Variants in EVC observed in about 807,000 individuals in gnomAD.
The protein encoded by EVC is EvC ciliary complex subunit 1, also known as evC complex member EVC.
Under a neutral mutation model 118.9 loss-of-function variants are expected in EVC, and 116 were observed. That is an observed-to-expected ratio of 0.98 (90% confidence interval 0.84 to 1.14). The LOEUF (loss-of-function observed/expected upper bound fraction) is 1.14, where lower values mean the gene tolerates loss of function less well. EVC is among the 50% of genes most tolerant of loss of function. EVC has a pLI of 0.00. For missense variants in EVC, 1,401 were observed against 1,246.4 expected (o/e 1.12, Z -1.87); for synonymous variants, 619 against 534.7 (o/e 1.16, Z -2.18).
chr4:5,767,319 C>T (rs563356786), intron 11 of EVC, among the ~76,000 whole-genome samples: 35 of 141,078 alleles, frequency 2.5e-4, no homozygotes, highest in African/African-American at 7.8e-4. Flanking sequence ...CAGACAGGGA[C>T]ATTTAAGTCT....
chr4:5,714,371 A>G (rs983344619), intron 1 of EVC, among the ~76,000 whole-genome samples: 13 of 152,250 alleles, frequency 8.5e-5, no homozygotes, highest in Non-Finnish European at 1.5e-5. Context: ...GTATTAGTTC[A>G]AAAGGAGCAA....
chr4:5,824,184 TG>T, the EVC span: 1 of 411,712 alleles, frequency 2.4e-6, no homozygotes, highest in Non-Finnish European at 3.3e-6. Context: ...TCCAGAACAG[TG>T]GTCCAGTTTG....
chr4:5,798,745 C>T lies in EVC; in HGVS notation c.2257C>T (p.Arg753Trp), dbSNP rs770696062. 1.4e-5 allele frequency: 23 copies of T among 1,611,014 alleles called. No individual in the cohort carries two copies. In the Admixed American group the frequency reaches 1.7e-4, roughly 12 times the overall value. The part of the protein sequence containing the change: ...AIGQALLVHA[R>W]NAATKSRAKD... Reference sequence around the variant, plus strand: ...TGGGCAGGCGCTGCTGGTGCATGCACGGAATGCAGCCACCAAGAGCCGGGC... The same window carrying T: ...TGGGCAGGCGCTGCTGGTGCATGCATGGAATGCAGCCACCAAGAGCCGGGC... The change falls in exon 15 of 21, where the codon CGG (arginine) becomes TGG (tryptophan). Residue 753 changes from arginine to tryptophan, a missense_variant. By Grantham distance (101) the Arg-to-Trp change is moderately radical. Transcript: ENST00000264956. The surrounding 1 kb of genome is among the most constrained non-coding windows in gnomAD (Gnocchi z 4.1).
rs114317866 is a variant in EVC, at chr4:5,767,928, C to G, written c.1563+11566C>G. Among the ~76,000 whole-genome samples, 836 of 152,320 alleles carry G rather than the reference C, an allele frequency of 5.5e-3. 9 individuals are homozygous for G. The highest frequency in any genetic ancestry group is 0.018 in the African/African-American group (741 of 41,540). ...TATTCGGCCATCTTGGCCCCTCCCC[C>G]CACCGGCAGCTTAGAATTTTACTTT... is the stretch of plus-strand genomic sequence containing the variant. On this transcript the variant is annotated intron_variant, in intron 11 of 20. Coordinates refer to ENST00000264956, the MANE Select transcript of EVC (RefSeq NM_153717.3).
intron 12 of EVC, among the ~76,000 whole-genome samples, chr4:5,792,390 AC>A (rs1712958438): frequency 1.3e-5 from 2 of 152,194 alleles, no homozygotes; most frequent in Admixed American, 1.3e-4. Flanking sequence ...TAGGCAGAAA[AC>A]TTTTTTTAGG....
intron 12 of EVC, among the ~76,000 whole-genome samples, chr4:5,791,975 G>A (rs1333113812): frequency 6.6e-6 from 1 of 152,174 alleles, no homozygotes; most frequent in Non-Finnish European, 1.5e-5. Flanking sequence ...TCAGCCTTAG[G>A]GGAGCTCTGA....
Position 5,719,997 on chromosome 4 carries a change from C to A in EVC, c.300+624C>A, listed in dbSNP as rs894987751. ...TTCATTTTACTTCCTTTAATTAAAT[C>A]TCTGGGGGTGGGGGTGCTGGGCCTC... On this transcript the variant is annotated intron_variant, in intron 2 of 20. Coordinates refer to ENST00000264956, the MANE Select transcript of EVC (RefSeq NM_153717.3). The surrounding 1 kb of genome is among the most constrained non-coding windows in gnomAD (Gnocchi z 4.7). 6.6e-6 allele frequency among the ~76,000 whole-genome samples: 1 copy of A among 152,076 alleles called. No homozygotes were observed. Among genetic ancestry groups the A allele is most frequent in the Non-Finnish European group, 1.5e-5 (1 of 68,018 alleles).
Position 5,752,854 on chromosome 4 carries a change from A to T in EVC, c.1117A>T (p.Met373Leu), listed in dbSNP as rs1319469297. ...LQALDALERTMGRAHMAKVIE... is the reference protein window; with the variant it reads ...LQALDALERTLGRAHMAKVIE... ...TTTGCAGGACGCCCTGGAGAGGACG[A>T]TGGGGCGGGCGCACATGGCAAAAGT... Residue 373 changes from methionine (M) to leucine (L), a missense_variant, in exon 9 of 21, where the codon ATG (methionine) becomes TTG (leucine). Coordinates refer to ENST00000264956, the MANE Select transcript of EVC (RefSeq NM_153717.3). 10 of 1,614,216 alleles carry T rather than the reference A, an allele frequency of 6.2e-6. No homozygotes were observed. Among genetic ancestry groups the T allele is most frequent in the Non-Finnish European group, 8.5e-6 (10 of 1,180,034 alleles).
At chr4:5,760,965 A>G (rs551268859) in intron 11 of EVC, among the ~76,000 whole-genome samples, 2 of 152,300 alleles carry the variant, frequency 1.3e-5, no homozygotes, top group South Asian at 4.1e-4. Flanking sequence ...GGCATATTTT[A>G]CATTTCCTCA....
At position 5,798,591 on chromosome 4, in the gene EVC, G is replaced by A. The variant is rs766383397; in HGVS notation, c.2103G>A (p.Ala701=). The A allele has an allele frequency of 1.6e-5, 25 of 1,564,270 alleles. No homozygotes were observed. Among genetic ancestry groups the A allele is most frequent in the Admixed American group, 7.6e-5 (4 of 52,762 alleles). Residue 701 remains alanine (A), a synonymous_variant, in exon 15 of 21, where the codon GCG becomes GCA. Transcript: ENST00000264956. The surrounding 1 kb of genome is among the most constrained non-coding windows in gnomAD (Gnocchi z 4.1). ...HQWQLLRALE[A]RVLEEASRLE... The stretch of plus-strand genomic sequence containing the variant: ...CCCAGTCCTTTCCCTCCCAGGAGGC[G>A]CGTGTGCTGGAGGAGGCCAGCCGGC...
rs967986192 is a variant in EVC at position 5,793,682 on chromosome 4, C to G, written c.1851C>G (p.Arg617=). 5 of 1,551,912 alleles carry G rather than the reference C, an allele frequency of 3.2e-6. No homozygotes were observed. Among genetic ancestry groups the G allele is most frequent in the Non-Finnish European group, 4.4e-6 (5 of 1,147,788 alleles). The part of the protein sequence containing the change: ...HLREDHEGTI[R]GVLGRLGGLT... ...GGGAGGACCACGAGGGCACCATCCGCGGCGTCTTGGGCCGACTGGGCGGCC... is the reference window on the plus strand; with the variant it reads ...GGGAGGACCACGAGGGCACCATCCGGGGCGTCTTGGGCCGACTGGGCGGCC... The change falls in exon 13 of 21, where the codon CGC becomes CGG. Residue 617 remains arginine (R), a synonymous_variant. Transcript: ENST00000264956.
intron 2 of EVC, among the ~76,000 whole-genome samples, chr4:5,720,562 G>A (rs568015205): frequency 5.3e-5 from 8 of 152,166 alleles, no homozygotes; most frequent in Non-Finnish European, 1.0e-4. Context: ...ATATAAAAAC[G>A]GATTTCCCCA....
At chr4:5,782,389 ATTTTTTT>A (rs71171482) in intron 11 of EVC, among the ~76,000 whole-genome samples, 2 of 78,568 alleles carry the variant, frequency 2.5e-5, no homozygotes, top group African/African-American at 1.0e-4. Context: ...GTAAGGTTCC[ATTTTTTT>A]TTTTTTTTTT....
rs77786871 is a variant in EVC at position 5,738,216 on chromosome 4, A to C, written c.703-3500A>C. ...AGCTGCTGCAATCTCATGATGAAAC[A>C]TGACTGGATGAGGAGCTGCTTCTGA... On this transcript the variant is annotated intron_variant, in intron 5 of 20. Transcript: ENST00000264956. The surrounding 1 kb of genome is among the most constrained non-coding windows in gnomAD (Gnocchi z 6.5). Among the ~76,000 whole-genome samples the C allele has an allele frequency of 1.2e-3, 181 of 152,310 alleles. No homozygotes were observed. Among genetic ancestry groups the C allele is most frequent in the African/African-American group, 3.8e-3 (160 of 41,566 alleles).
intron 1 of EVC, among the ~76,000 whole-genome samples, chr4:5,717,207 T>A (rs1015215174): frequency 1.3e-5 from 2 of 152,218 alleles, no homozygotes; most frequent in African/African-American, 4.8e-5. Flanking sequence ...TTTATACTTG[T>A]ATTGAGTTTT....
chr4:5,737,062 G>A lies in EVC; in HGVS notation c.702+3627G>A, dbSNP rs148433562. Among the ~76,000 whole-genome samples, 107 of 152,274 alleles carry A rather than the reference G, an allele frequency of 7.0e-4. No homozygotes were observed. Among genetic ancestry groups the A allele is most frequent in the Non-Finnish European group, 1.3e-3 (89 of 68,020 alleles). ...TCTTGAAGGAAATTAAAAGTGCTAC[G>A]CCAGTGAACACACGAATGATCAGAA... On this transcript the variant is annotated intron_variant, in intron 5 of 20. Transcript: ENST00000264956. The surrounding 1 kb of genome is among the most constrained non-coding windows in gnomAD (Gnocchi z 5.0).
At chr4:5,825,669 G>C in the EVC span, 1 of 1,612,180 alleles carries the variant, frequency 6.2e-7, no homozygotes, top group African/African-American at 1.3e-5. The surrounding 1 kb of genome is among the most constrained non-coding windows in gnomAD (Gnocchi z 4.4). Flanking sequence ...CCTAAACAGA[G>C]GAAGGGAGAG....
At chr4:5,803,923 G>A (rs1223061795) in intron 16 of EVC, among the ~76,000 whole-genome samples, 7 of 146,800 alleles carry the variant, frequency 4.8e-5, no homozygotes, top group Non-Finnish European at 1.5e-5. Context: ...AACCATGCCT[G>A]TCTCAGGCAG....
At chr4:5,823,203 T>A in the EVC span, among the ~76,000 whole-genome samples, 45 of 152,288 alleles carry the variant, frequency 3.0e-4, no homozygotes, top group African/African-American at 1.1e-3. Flanking sequence ...ATAAGAACAG[T>A]AGACTAGATG....
Sources: allele counts gnomAD v4.1 joint callset (sites outside exome capture counted in the v4.1 genomes callset), GRCh38; gene constraint gnomAD v4.1.1; non-coding constraint Gnocchi (gnomAD v3.1); transcripts MANE v1.5; gene names NCBI Gene and HGNC (gene_info 2026-07-23, HGNC 2026-07-21).